The following DCDC2C variants were observed in gnomAD, a reference collection of about 807,000 sequenced individuals.
DCDC2C encodes the protein doublecortin domain containing 2C.
Under a neutral mutation model 45.0 loss-of-function variants are expected in DCDC2C, and 44 were observed. The ratio of observed to expected loss-of-function variants is 0.98; its 90% CI spans 0.77 to 1.26. The LOEUF (loss-of-function observed/expected upper bound fraction) is 1.26, where lower values mean the gene tolerates loss of function less well. DCDC2C is among the 50% of genes most tolerant of loss of function. DCDC2C has a pLI of 0.00. For missense variants in DCDC2C, 447 were observed against 468.9 expected (o/e 0.95, Z 0.43); for synonymous variants, 187 against 178.8 (o/e 1.05, Z -0.37).
intron 6 of DCDC2C, among the ~76,000 whole-genome samples, chr2:3,765,338 CAG>C (rs1669983219): frequency 6.6e-6 from 1 of 152,152 alleles, no homozygotes; most frequent in Non-Finnish European, 1.5e-5. Flanking sequence ...TTAGTTATGT[CAG>C]GGTGTCATAG....
intron 3 of DCDC2C, among the ~76,000 whole-genome samples, chr2:3,732,230 CAGG>C (rs908264611): frequency 1.9e-4 from 29 of 151,830 alleles, no homozygotes; most frequent in African/African-American, 7.0e-4. Context: ...TATGAAAAGG[CAGG>C]AGAATCTATG....
chr2:3,829,541 C>T (rs1274039945), intron 10 of DCDC2C, among the ~76,000 whole-genome samples: 3 of 152,092 alleles, frequency 2.0e-5, no homozygotes, highest in Admixed American at 6.5e-5. Context: ...ACATCCTGGT[C>T]GTGCTGCGCG....
In DCDC2C at chr2:3,734,122, G is replaced by T. The variant is rs1021236114; in HGVS notation, c.416+7043G>T. Among the ~76,000 whole-genome samples, 2 of 152,320 alleles carry T rather than the reference G, an allele frequency of 1.3e-5. No individual in the cohort carries two copies. Among genetic ancestry groups the T allele is most frequent in the Non-Finnish European group, 2.9e-5 (2 of 68,020 alleles). On this transcript the variant is annotated intron_variant, in intron 3 of 10. Transcript: ENST00000399143. This position sits in a 1 kb window ranked among gnomAD's most constrained non-coding sequence, Gnocchi z 4.2. ...CTGCTGTCGTAAATCCCCCATTTCC[G>T]TGGCACACCAACATCACGTACTGCC...
chr2:3,838,452 CAG>C lies in DCDC2C; in HGVS notation c.1066-8672_1066-8671del, dbSNP rs61141962. Among the ~76,000 whole-genome samples the C allele has an allele frequency of 1.7e-3, 194 of 112,284 alleles. 2 individuals are homozygous for C. The highest frequency in any genetic ancestry group is 0.01 in the South Asian group (32 of 3,048). The allele number at this position is 112,284 out of a possible 152,430, so 73.7% of individuals were successfully genotyped here. A position where few individuals can be genotyped will look rare whatever the true frequency, so the allele number is the denominator to read the frequency against. Reference sequence around the variant, plus strand: ...CTGTTGTGGTCCCCAAGGATCATGACAGAGAGAGAGAGAGAGAGAGAGAGAGA... The same window carrying C: ...CTGTTGTGGTCCCCAAGGATCATGACAGAGAGAGAGAGAGAGAGAGAGAGA... On this transcript the variant is annotated intron_variant, in intron 10 of 10. Coordinates refer to ENST00000399143, the MANE Select transcript of DCDC2C (RefSeq NM_001287444.2).
chr2:3,802,044 A>C lies in DCDC2C; in HGVS notation c.1065+16944A>C, dbSNP rs375716987. Among the ~76,000 whole-genome samples, 34 of 152,368 alleles carry C rather than the reference A, an allele frequency of 2.2e-4. No individual in the cohort carries two copies. In the East Asian group the frequency reaches 5.2e-3, roughly 23 times the overall value. On this transcript the variant is annotated intron_variant, in intron 10 of 10. Coordinates refer to ENST00000399143, the MANE Select transcript of DCDC2C (RefSeq NM_001287444.2). ...TGGAAATGCTATGTGAGATCAATTC[A>C]GAAGAACTCCCCTAGGAAAGAGGTC...
chr2:3,742,342 C>T (rs1305090649), intron 4 of DCDC2C, among the ~76,000 whole-genome samples: 3 of 152,128 alleles, frequency 2.0e-5, no homozygotes, highest in Admixed American at 6.5e-5. Flanking sequence ...GTGGGCCGAC[C>T]GTTCAAGTTG....
At chr2:3,792,159 C>T (rs1269430212) in intron 10 of DCDC2C, among the ~76,000 whole-genome samples, 1 of 152,174 alleles carries the variant, frequency 6.6e-6, no homozygotes, top group Non-Finnish European at 1.5e-5. Context: ...GTGTAGGTAT[C>T]TCCCGTGGGG....
intron 10 of DCDC2C, among the ~76,000 whole-genome samples, chr2:3,810,374 A>G (rs1433001517): frequency 1.3e-5 from 2 of 152,168 alleles, no homozygotes; most frequent in Non-Finnish European, 2.9e-5. Context: ...TGTATTTGTT[A>G]GCCACATAAA....
At chr2:3,714,703 A>G (rs1209729381) in intron 2 of DCDC2C, among the ~76,000 whole-genome samples, 1 of 152,236 alleles carries the variant, frequency 6.6e-6, no homozygotes, top group Non-Finnish European at 1.5e-5. Context: ...ACATTTTAAC[A>G]AAGTGTTTTA....
chr2:3,746,130 G>T (rs1035343384), intron 4 of DCDC2C, among the ~76,000 whole-genome samples: 1 of 152,116 alleles, frequency 6.6e-6, no homozygotes. Flanking sequence ...GAGCAGTCTC[G>T]GTCCTCAGCC....
intron 5 of DCDC2C, among the ~76,000 whole-genome samples, chr2:3,753,620 G>A (rs750874376): frequency 9.2e-5 from 14 of 152,188 alleles, no homozygotes; most frequent in East Asian, 1.9e-4. Flanking sequence ...TCATCTTATG[G>A]TGGAGCAGGA....
chr2:3,755,361 ATG>A (rs1361435378), intron 6 of DCDC2C, among the ~76,000 whole-genome samples: 1 of 147,766 alleles, frequency 6.8e-6, no homozygotes, highest in Admixed American at 7.0e-5. Context: ...GTGTGTATGC[ATG>A]TGTGTATGGG....
intron 9 of DCDC2C, among the ~76,000 whole-genome samples, chr2:3,780,241 C>T (rs1670472887): frequency 2.0e-5 from 3 of 152,182 alleles, no homozygotes. Context: ...CACCGGCTTA[C>T]CTGGCTTACC....
At chr2:3,757,595 C>A (rs779395022) in intron 6 of DCDC2C, among the ~76,000 whole-genome samples, 15 of 152,166 alleles carry the variant, frequency 9.9e-5, no homozygotes, top group Non-Finnish European at 1.5e-4. Context: ...TTCATCTGGT[C>A]GTCCATGAGG....
intron 10 of DCDC2C, chr2:3,844,737 A>G (rs911928567): frequency 1.3e-5 from 2 of 152,216 alleles, no homozygotes; most frequent in African/African-American, 4.8e-5. Context: ...TTCATGTGGA[A>G]TTCCTTCCTC....
In DCDC2C at chr2:3,847,675, T is replaced by C. The variant is rs1672366281; in HGVS notation, c.*492T>C. On this transcript the variant is annotated 3_prime_UTR_variant, in exon 11 of 11. Transcript: ENST00000399143. ...AAAAATCCAGGGTTCGCTGGTGACA[T>C]GGTTTGGCTGTATGTCCTCACTCAA... 6.6e-6 allele frequency among the ~76,000 whole-genome samples: 1 copy of C among 152,150 alleles called. No individual in the cohort carries two copies. Among genetic ancestry groups the C allele is most frequent in the Admixed American group, 6.5e-5 (1 of 15,270 alleles).
chr2:3,805,825 C>A (rs1244330222), intron 10 of DCDC2C, among the ~76,000 whole-genome samples: 1 of 152,162 alleles, frequency 6.6e-6, no homozygotes, highest in African/African-American at 2.4e-5. Flanking sequence ...CGATGTTTTG[C>A]AAAAGTGAAA....
chr2:3,721,138 A>G lies in DCDC2C; in HGVS notation c.340-5865A>G, dbSNP rs573516906. 1.2e-4 allele frequency among the ~76,000 whole-genome samples: 18 copies of G among 152,144 alleles called. No homozygotes were observed. The South Asian group carries it at 3.5e-3, about 30-fold the overall frequency. ...ATTATTTGTGTCTTCTATTTTTCCT[A>G]TATGTCCCTCTACAGGTTTATTAAT... On this transcript the variant is annotated intron_variant, in intron 2 of 10. Coordinates refer to ENST00000399143, the MANE Select transcript of DCDC2C (RefSeq NM_001287444.2).
chr2:3,797,586 T>C lies in DCDC2C; in HGVS notation c.1065+12486T>C, dbSNP rs1040654831. Reference sequence around the variant, plus strand: ...TATGTTGTGTCTTTGTTCTCATTGGTTTCAAAGAACATCTTTATTTCTGCC... The same window carrying C: ...TATGTTGTGTCTTTGTTCTCATTGGCTTCAAAGAACATCTTTATTTCTGCC... On this transcript the variant is annotated intron_variant, in intron 10 of 10. Transcript: ENST00000399143. Among the ~76,000 whole-genome samples, 15 of 144,198 alleles carry C rather than the reference T, an allele frequency of 1.0e-4. No individual in the cohort carries two copies. The East Asian group carries it at 2.8e-3, about 27-fold the overall frequency. The allele number at this position is 144,198 out of a possible 152,430, so 94.6% of individuals were successfully genotyped here.
Sources: gnomAD v4.1 joint callset for allele counts (sites outside exome capture counted in the v4.1 genomes callset) on GRCh38, gnomAD v4.1.1 for gene constraint, Gnocchi (gnomAD v3.1) non-coding constraint, MANE v1.5 for transcripts, NCBI Gene and HGNC (gene_info 2026-07-23, HGNC 2026-07-21) for gene names.